The following CNTNAP2 variants were observed in gnomAD, a reference collection of about 807,000 sequenced individuals.
The protein encoded by CNTNAP2 is contactin associated protein 2.
Under a neutral mutation model 155.2 loss-of-function variants are expected in CNTNAP2, and 98 were observed. The ratio of observed to expected loss-of-function variants is 0.63; its 90% CI spans 0.54 to 0.75. The LOEUF is 0.75. Ranked by LOEUF, CNTNAP2 falls within the 30% of genes least tolerant of loss-of-function variation. CNTNAP2 has a pLI of 0.00. For missense variants in CNTNAP2, 1,727 were observed against 1,688.1 expected, an observed-to-expected ratio of 1.02 and a Z score of -0.40; for synonymous variants, 651 against 631.2, an observed-to-expected ratio of 1.03 and a Z score of -0.47.
At chr7:148,263,654 G>A (rs530683210) in intron 20 of CNTNAP2, among the ~76,000 whole-genome samples, 58 of 151,476 alleles carry the variant, frequency 3.8e-4, no homozygotes, top group African/African-American at 1.2e-3. Context: ...GGAGAATGGC[G>A]TGAACCCGGG....
At chr7:146,320,034 C>T (rs1190176584) in intron 1 of CNTNAP2, among the ~76,000 whole-genome samples, 1 of 148,884 alleles carries the variant, frequency 6.7e-6, no homozygotes, top group Non-Finnish European at 1.5e-5. Flanking sequence ...ATAATTAAAA[C>T]TCCATTAATG....
intron 9 of CNTNAP2, among the ~76,000 whole-genome samples, chr7:147,311,562 G>C (rs1367462810): frequency 6.6e-6 from 1 of 152,136 alleles, no homozygotes; most frequent in Admixed American, 6.5e-5. Flanking sequence ...AGCCAACTCT[G>C]ACCTCAGGTA....
At chr7:147,097,760 G>C (rs1296253033) in intron 4 of CNTNAP2, among the ~76,000 whole-genome samples, 1 of 152,206 alleles carries the variant, frequency 6.6e-6, no homozygotes, top group Non-Finnish European at 1.5e-5. Flanking sequence ...AGCTAAAGAA[G>C]TAACAAACTA....
At chr7:147,957,717 A>G (rs2707590) in intron 14 of CNTNAP2, among the ~76,000 whole-genome samples, 18,121 of 152,242 alleles carry the variant, frequency 0.12, 1,445 homozygotes, top group Middle Eastern at 0.26. Flanking sequence ...AATGCCATGA[A>G]CATTATGTTA....
intron 3 of CNTNAP2, among the ~76,000 whole-genome samples, chr7:146,919,418 G>T (rs553233430): frequency 1.3e-5 from 2 of 152,128 alleles, no homozygotes; most frequent in Non-Finnish European, 2.9e-5. Context: ...TAGGGATGGG[G>T]CTTCCTGAGA....
intron 15 of CNTNAP2, among the ~76,000 whole-genome samples, chr7:148,053,694 CT>C (rs1198796939): frequency 6.6e-6 from 1 of 151,912 alleles, no homozygotes; most frequent in African/African-American, 2.4e-5. Flanking sequence ...ACATTTTTTG[CT>C]TTTATTATTA....
At position 147,565,518 on chromosome 7, in the gene CNTNAP2, A is replaced by T. The variant is rs10270032; in HGVS notation, c.1897+3261A>T. On this transcript the variant is annotated intron_variant, in intron 12 of 23. Coordinates refer to ENST00000361727, the MANE Select transcript of CNTNAP2 (RefSeq NM_014141.6). ...ATGAAAACATTGGGACCAGCTCTGA[A>T]GCTATTATTGCAAAAGTCCAATGAA... 6.2e-3 allele frequency among the ~76,000 whole-genome samples: 938 copies of T among 152,064 alleles called. 12 individuals carry two copies. The highest frequency in any genetic ancestry group is 0.019 in the African/African-American group (806 of 41,498).
At chr7:148,055,960 A>G (rs1187175562) in intron 15 of CNTNAP2, among the ~76,000 whole-genome samples, 1 of 152,198 alleles carries the variant, frequency 6.6e-6, no homozygotes, top group Admixed American at 6.5e-5. Context: ...GTGATGTGCA[A>G]CTTGGCCTGT....
intron 3 of CNTNAP2, among the ~76,000 whole-genome samples, chr7:147,040,134 G>A (rs1296416076): frequency 6.6e-6 from 1 of 152,074 alleles, no homozygotes; most frequent in Non-Finnish European, 1.5e-5. Context: ...GCTAAAAAGT[G>A]GGAAAAGGAT....
intron 3 of CNTNAP2, among the ~76,000 whole-genome samples, chr7:146,937,374 TA>T (rs143877307): frequency 0.011 from 1,614 of 149,870 alleles, 33 homozygotes; most frequent in African/African-American, 0.038. Flanking sequence ...AAAAATAAAA[TA>T]AAATAAAATA....
At chr7:147,002,926 T>C (rs1247933680) in intron 3 of CNTNAP2, among the ~76,000 whole-genome samples, 2 of 72,436 alleles carry the variant, frequency 2.8e-5, no homozygotes, top group Admixed American at 2.0e-4. Flanking sequence ...ATTCAGAACA[T>C]AGCAAGGATG....
At chr7:146,695,591 T>C (rs1290176775) in intron 1 of CNTNAP2, among the ~76,000 whole-genome samples, 1 of 151,838 alleles carries the variant, frequency 6.6e-6, no homozygotes, top group Admixed American at 6.6e-5. Context: ...TTTTTGATTG[T>C]TTTTCATATT....
chr7:147,660,357 C>T (rs187112047), intron 13 of CNTNAP2, among the ~76,000 whole-genome samples: 1 of 152,270 alleles, frequency 6.6e-6, no homozygotes, highest in Non-Finnish European at 1.5e-5. Context: ...GATTTTGGCA[C>T]TCTGATTTTC....
chr7:146,385,484 T>C (rs749471220), intron 1 of CNTNAP2, among the ~76,000 whole-genome samples: 1 of 152,220 alleles, frequency 6.6e-6, no homozygotes, highest in Non-Finnish European at 1.5e-5. Flanking sequence ...TAAGAATAGT[T>C]AATTCACGTC....
intron 3 of CNTNAP2, among the ~76,000 whole-genome samples, chr7:146,865,936 A>G (rs1281605806): frequency 6.6e-6 from 1 of 152,184 alleles, no homozygotes. Flanking sequence ...TGTACTAGTC[A>G]TACTATTGTC....
intron 4 of CNTNAP2, among the ~76,000 whole-genome samples, chr7:147,092,948 C>A (rs879833932): frequency 6.6e-6 from 1 of 151,994 alleles, no homozygotes; most frequent in Non-Finnish European, 1.5e-5. Flanking sequence ...TATGGCCGGG[C>A]GCGGTGGCTC....
At chr7:146,538,452 C>T (rs1052729023) in intron 1 of CNTNAP2, among the ~76,000 whole-genome samples, 3 of 151,964 alleles carry the variant, frequency 2.0e-5, no homozygotes, top group African/African-American at 7.3e-5. Flanking sequence ...CATAAATGCT[C>T]TATTCATGGC....
At chr7:148,057,983 A>ATTATTC (rs1418276790) in intron 15 of CNTNAP2, among the ~76,000 whole-genome samples, 1 of 145,228 alleles carries the variant, frequency 6.9e-6, no homozygotes, top group Non-Finnish European at 1.5e-5. Context: ...TATTATTATT[A>ATTATTC]TTATTGTTAT....
chr7:146,462,768 T>G (rs1796656866), intron 1 of CNTNAP2, among the ~76,000 whole-genome samples: 1 of 152,210 alleles, frequency 6.6e-6, no homozygotes, highest in Non-Finnish European at 1.5e-5. Flanking sequence ...TATTTACTCC[T>G]TGTAGCGGGG....
Sources: gnomAD v4.1 joint callset for allele counts (sites outside exome capture counted in the v4.1 genomes callset) on GRCh38, gnomAD v4.1.1 for gene constraint, MANE v1.5 for transcripts, NCBI Gene and HGNC (gene_info 2026-07-23, HGNC 2026-07-21) for gene names.